Variants in ANKRD36 observed in about 807,000 individuals in gnomAD.
ANKRD36 encodes the protein ankyrin repeat domain 36.
In ANKRD36, 179 loss-of-function variants were observed where a neutral mutation model predicts 278.1. The observed-to-expected ratio is 0.64, with a 90% confidence interval of 0.57 to 0.73. The LOEUF (loss-of-function observed/expected upper bound fraction) is 0.73, where lower values mean the gene tolerates loss of function less well. Among genes scored for constraint, ANKRD36 ranks in the 30% least tolerant of loss-of-function variants. The pLI, the probability that ANKRD36 is intolerant of heterozygous loss-of-function variation, is 0.00. For missense variants in ANKRD36, 1,159 were observed against 1,956.7 expected, an observed-to-expected ratio of 0.59 and a Z score of 7.69; for synonymous variants, 320 against 641.1, an observed-to-expected ratio of 0.50 and a Z score of 7.57.
chr2:97,186,244 G>A (rs7605866), intron 30 of ANKRD36, among the ~76,000 whole-genome samples: 129,162 of 150,644 alleles, frequency 0.86, 56,964 homozygotes, highest in African/African-American at 0.95. Flanking sequence ...TTGAATATCA[G>A]TACATTGGCT....
In ANKRD36 at chr2:97,219,525, A is replaced by G. The variant is rs1213677563; in HGVS notation, c.3877+279A>G. On this transcript the variant is annotated intron_variant, in intron 66 of 75. Transcript: ENST00000420699. ...AGACAGAGCTTTGCTCTTGTTGCCC[A>G]GGGTGGAGTGCAATGGCTCAATTGT... Among the ~76,000 whole-genome samples the G allele has an allele frequency of 6.0e-5, 9 of 150,912 alleles. 1 individual carries two copies. Among genetic ancestry groups the G allele is most frequent in the South Asian group, 4.3e-4 (2 of 4,638 alleles).
At chr2:97,186,061 C>T (rs1333348674) in intron 30 of ANKRD36, among the ~76,000 whole-genome samples, 1 of 151,778 alleles carries the variant, frequency 6.6e-6, no homozygotes, top group Non-Finnish European at 1.5e-5. Flanking sequence ...ACTTCGGATG[C>T]ATTTAGCATA....
At position 97,188,605 on chromosome 2, in the gene ANKRD36, T is replaced by G; in HGVS notation, c.2144-482T>G. Among the ~76,000 whole-genome samples, 2 of 89,846 alleles carry G rather than the reference T, an allele frequency of 2.2e-5. 1 individual carries two copies. The highest frequency in any genetic ancestry group is 7.9e-5 in the Non-Finnish European group (2 of 25,450). The allele number at this position is 89,846 out of a possible 152,430, so 58.9% of individuals were successfully genotyped here. On this transcript the variant is annotated intron_variant, in intron 32 of 75. Coordinates refer to ENST00000420699, the MANE Select transcript of ANKRD36 (RefSeq NM_001354587.1). ...CACTGAAGAGATGTGAAGTATACGT[T>G]CAACTGAATTGTCGTGGTAACTGTG...
At chr2:97,258,941 A>G (rs2076477775) in intron 75 of ANKRD36, among the ~76,000 whole-genome samples, 1 of 144,622 alleles carries the variant, frequency 6.9e-6, no homozygotes, top group Non-Finnish European at 1.5e-5. Flanking sequence ...TCATTATTTC[A>G]TTAAATATGC....
intron 14 of ANKRD36, 94 bp from the exon 15 acceptor site, chr2:97,154,581 T>A (rs1318097826): frequency 9.7e-7 from 1 of 1,035,540 alleles, no homozygotes; most frequent in East Asian, 2.7e-5. Context: ...TTTACCATTT[T>A]TTTTGGAGGG....
At chr2:97,222,094 T>C (rs1360776460) in intron 66 of ANKRD36, among the ~76,000 whole-genome samples, 4 of 152,002 alleles carry the variant, frequency 2.6e-5, no homozygotes, top group Non-Finnish European at 5.9e-5. Flanking sequence ...GTTATAGATA[T>C]GTGGCATTAT....
At chr2:97,194,576 A>T (rs1410153096) in intron 38 of ANKRD36, 150 bp from the exon 39 acceptor site, 1 of 1,442,878 alleles carries the variant, frequency 6.9e-7, no homozygotes, top group African/African-American at 1.4e-5. Context: ...TATTTCTGAC[A>T]TGTTCTGGTC....
At chr2:97,209,965 G>T in intron 56 of ANKRD36, 93 bp downstream of exon 56, 1 of 1,474,318 alleles carries the variant, frequency 6.8e-7, no homozygotes. Context: ...CGTTGAAGCT[G>T]CACATTCTGA....
At chr2:97,180,348 A>G (rs1215780260) in intron 24 of ANKRD36, among the ~76,000 whole-genome samples, 2 of 151,640 alleles carry the variant, frequency 1.3e-5, no homozygotes, top group Non-Finnish European at 2.9e-5. Flanking sequence ...CTGTAGAACG[A>G]GAGCTAAGAA....
chr2:97,146,043 A>G (rs1281941812), intron 10 of ANKRD36, among the ~76,000 whole-genome samples: 1 of 152,100 alleles, frequency 6.6e-6, no homozygotes, highest in Non-Finnish European at 1.5e-5. Flanking sequence ...AACCTGGCTC[A>G]CTTCAACTTT....
At chr2:97,172,168 A>G (rs1329234603) in intron 22 of ANKRD36, among the ~76,000 whole-genome samples, 2 of 151,808 alleles carry the variant, frequency 1.3e-5, no homozygotes, top group Non-Finnish European at 2.9e-5. Context: ...AAAACCTCTT[A>G]CAACACATGT....
At chr2:97,154,198 T>C (rs1196546115) in intron 14 of ANKRD36, among the ~76,000 whole-genome samples, 1 of 146,978 alleles carries the variant, frequency 6.8e-6, no homozygotes, top group African/African-American at 2.4e-5. Context: ...ACTCCCATTT[T>C]CCAGTGACAC....
chr2:97,202,123 G>A, intron 46 of ANKRD36, 79 bp from the exon 47 acceptor site: 1 of 1,593,190 alleles, frequency 6.3e-7, no homozygotes, highest in Non-Finnish European at 8.5e-7. Context: ...GACAGAGGTT[G>A]ATTCTAACAG....
chr2:97,135,658 T>A (rs1239182846), intron 6 of ANKRD36, among the ~76,000 whole-genome samples: 1 of 151,502 alleles, frequency 6.6e-6, no homozygotes, highest in African/African-American at 2.4e-5. Context: ...GATGATATTG[T>A]TGGTTGGATG....
At chr2:97,158,890 A>G (rs959670230) in intron 17 of ANKRD36, among the ~76,000 whole-genome samples, 2 of 151,982 alleles carry the variant, frequency 1.3e-5, no homozygotes, top group African/African-American at 2.4e-5. Context: ...TGTGACAACA[A>G]GGGAAATGTA....
chr2:97,177,796 G>A (rs1277843041), intron 22 of ANKRD36, among the ~76,000 whole-genome samples: 1 of 151,892 alleles, frequency 6.6e-6, no homozygotes, highest in Non-Finnish European at 1.5e-5. Flanking sequence ...AACACCAAAA[G>A]CAATGGCAAC....
intron 67 of ANKRD36, among the ~76,000 whole-genome samples, chr2:97,227,142 G>GT (rs2070050101): frequency 6.6e-6 from 1 of 152,102 alleles, no homozygotes; most frequent in African/African-American, 2.4e-5. Flanking sequence ...CTTTAAAGTA[G>GT]TTTTTTCCAA....
chr2:97,202,060 G>A, intron 46 of ANKRD36, 142 bp from the exon 47 acceptor site: 3 of 1,510,662 alleles, frequency 2.0e-6, no homozygotes, highest in Non-Finnish European at 2.7e-6. Context: ...TCACGTTCTA[G>A]TCCCCAGACA....
chr2:97,190,899 A>T, intron 34 of ANKRD36, 79 bp from the exon 35 acceptor site: 1 of 1,564,750 alleles, frequency 6.4e-7, no homozygotes, highest in Non-Finnish European at 8.7e-7. Context: ...ATACAGCTGG[A>T]TGCTAACACT....
Sources: gnomAD v4.1 joint callset for allele counts (sites outside exome capture counted in the v4.1 genomes callset) on GRCh38, gnomAD v4.1.1 for gene constraint, MANE v1.5 for transcripts, NCBI Gene and HGNC (gene_info 2026-07-23, HGNC 2026-07-21) for gene names.